Variants in ODAD2 observed in about 807,000 individuals in gnomAD.
ODAD2 encodes the protein outer dynein arm-docking complex subunit 2.
Under a neutral mutation model 106.8 loss-of-function variants are expected in ODAD2, and 89 were observed. The observed-to-expected ratio is 0.83, with a 90% CI of 0.70 to 0.99. The LOEUF (loss-of-function observed/expected upper bound fraction) is 0.99. Ranked by LOEUF, ODAD2 falls within the 50% of genes least tolerant of loss-of-function variation. ODAD2 has a pLI of 0.00. For missense variants in ODAD2, 1,168 were observed against 1,238.5 expected, an observed-to-expected ratio of 0.94 and a Z score of 0.85; for synonymous variants, 404 against 436.2, an observed-to-expected ratio of 0.93 and a Z score of 0.92.
At chr10:27,954,552 CCT>C (rs1171135410) in intron 10 of ODAD2, among the ~76,000 whole-genome samples, 1 of 152,114 alleles carries the variant, frequency 6.6e-6, no homozygotes, top group East Asian at 1.9e-4. Context: ...AGGGAACTCC[CCT>C]GAGATTTTTA....
At chr10:27,872,520 G>C (rs1480935076) in intron 17 of ODAD2, among the ~76,000 whole-genome samples, 4 of 151,968 alleles carry the variant, frequency 2.6e-5, no homozygotes, top group Non-Finnish European at 4.4e-5. Context: ...ATTATTTTGA[G>C]ATACGTCCCA....
chr10:27,875,853 T>C (rs1204404174), intron 17 of ODAD2, among the ~76,000 whole-genome samples: 1 of 152,158 alleles, frequency 6.6e-6, no homozygotes, highest in Non-Finnish European at 1.5e-5. Context: ...ACCCTAATAC[T>C]GCACTTTTCC....
rs1310808885 is a variant in ODAD2, at chr10:27,993,144, A to T, written c.224+1775T>A. On this transcript the variant is annotated intron_variant, in intron 2 of 19. Transcript: ENST00000305242. ...TGGCCAGGCTGGTCTTGAACTCCTG[A>T]TCTCTGGTGATCTGCCCACCTCGGC... 9.9e-5 allele frequency among the ~76,000 whole-genome samples: 15 copies of T among 151,982 alleles called. 1 individual carries two copies.
chr10:27,891,262 A>G (rs1056603525), intron 17 of ODAD2, among the ~76,000 whole-genome samples: 1 of 152,116 alleles, frequency 6.6e-6, no homozygotes, highest in Non-Finnish European at 1.5e-5. Flanking sequence ...ATGTATCCCA[A>G]CCTCACAGAA....
intron 17 of ODAD2, among the ~76,000 whole-genome samples, chr10:27,899,725 C>G (rs1843072290): frequency 6.6e-6 from 1 of 152,228 alleles, no homozygotes; most frequent in Non-Finnish European, 1.5e-5. Context: ...GAGCCCACCA[C>G]AGCTCCGCAA....
intron 17 of ODAD2, among the ~76,000 whole-genome samples, chr10:27,899,952 A>C (rs919139742): frequency 2.6e-5 from 4 of 152,120 alleles, no homozygotes; most frequent in Non-Finnish European, 5.9e-5. Context: ...TCAGCACAGC[A>C]CTCAAGCTCT....
At chr10:27,929,159 C>T (rs930522064) in intron 16 of ODAD2, among the ~76,000 whole-genome samples, 2 of 152,050 alleles carry the variant, frequency 1.3e-5, no homozygotes, top group African/African-American at 4.8e-5. Flanking sequence ...ACCCCAAAAT[C>T]CTACCATACT....
chr10:27,923,210 T>C (rs569590928), intron 16 of ODAD2, among the ~76,000 whole-genome samples: 3 of 152,210 alleles, frequency 2.0e-5, no homozygotes, highest in Non-Finnish European at 4.4e-5. Flanking sequence ...AAAAACTATG[T>C]TTAATTGACT....
intron 19 of ODAD2, among the ~76,000 whole-genome samples, chr10:27,840,801 C>A (rs925842777): frequency 6.6e-6 from 1 of 152,162 alleles, no homozygotes; most frequent in Non-Finnish European, 1.5e-5. Flanking sequence ...TGCTTTCTTG[C>A]CCATGGGAAT....
At chr10:27,997,622 C>T (rs1374442587) in intron 1 of ODAD2, 1 of 151,982 alleles carries the variant, frequency 6.6e-6, no homozygotes, top group Non-Finnish European at 1.5e-5. Flanking sequence ...TCTAGTGAAC[C>T]GTAGCAATGC....
chr10:27,966,891 G>A (rs1346761145), intron 9 of ODAD2, among the ~76,000 whole-genome samples: 2 of 149,062 alleles, frequency 1.3e-5, no homozygotes, highest in African/African-American at 2.5e-5. Context: ...ACAAACATAA[G>A]GTGACTCTGA....
intron 19 of ODAD2, among the ~76,000 whole-genome samples, chr10:27,832,698 CCTTAAACGTTATTG>C (rs1837577447): frequency 6.6e-6 from 1 of 152,136 alleles, no homozygotes; most frequent in African/African-American, 2.4e-5. Context: ...CTACTTTTCT[CCTTAAACGTTATTG>C]CTCAACACAT....
intron 19 of ODAD2, among the ~76,000 whole-genome samples, chr10:27,836,512 A>C (rs941665797): frequency 1.3e-5 from 2 of 152,210 alleles, no homozygotes; most frequent in Admixed American, 1.3e-4. Context: ...ACCATCTAAA[A>C]TGATTTTTTG....
At chr10:27,877,875 T>C (rs953118543) in intron 17 of ODAD2, among the ~76,000 whole-genome samples, 1 of 152,194 alleles carries the variant, frequency 6.6e-6, no homozygotes, top group Admixed American at 6.5e-5. Flanking sequence ...CATATGATCT[T>C]CACAACGTTG....
chr10:27,889,669 T>C (rs1169560484), intron 17 of ODAD2, among the ~76,000 whole-genome samples: 1 of 152,190 alleles, frequency 6.6e-6, no homozygotes, highest in East Asian at 1.9e-4. Context: ...GTTTCACACA[T>C]GGACACTCCC....
intron 10 of ODAD2, among the ~76,000 whole-genome samples, chr10:27,954,884 T>TTAAAG (rs1452404207): frequency 6.6e-6 from 1 of 152,212 alleles, no homozygotes; most frequent in Non-Finnish European, 1.5e-5. Context: ...ATCCAAATAC[T>TTAAAG]TAAAGTGGAT....
chr10:27,943,934 A>G (rs558375013), intron 12 of ODAD2, among the ~76,000 whole-genome samples: 39 of 151,792 alleles, frequency 2.6e-4, no homozygotes, highest in African/African-American at 9.4e-4. Flanking sequence ...CCTCCCATGC[A>G]TGTATACTTG....
chr10:27,946,433 T>A (rs1040963372), intron 10 of ODAD2, among the ~76,000 whole-genome samples: 2 of 151,972 alleles, frequency 1.3e-5, no homozygotes, highest in Non-Finnish European at 2.9e-5. Context: ...TGGGGGTACA[T>A]GTGATATTCT....
intron 17 of ODAD2, among the ~76,000 whole-genome samples, chr10:27,886,912 T>C (rs991053858): frequency 2.0e-5 from 3 of 151,618 alleles, no homozygotes; most frequent in Admixed American, 6.6e-5. Context: ...TGTGTCACTA[T>C]AAAAAGATCA....
Sources: allele counts gnomAD v4.1 joint callset (sites outside exome capture counted in the v4.1 genomes callset), GRCh38; gene constraint gnomAD v4.1.1; transcripts MANE v1.5; gene names NCBI Gene and HGNC (gene_info 2026-07-23, HGNC 2026-07-21).